AMPH: variants seen among roughly 807,000 people sequenced by gnomAD.
AMPH encodes the protein amphiphysin (Stiff-Mann syndrome with breast cancer 128kD autoantigen).
A neutral mutation model predicts 99.1 loss-of-function variants in AMPH; 49 were observed. The observed-to-expected ratio is 0.49, with a 90% confidence interval of 0.39 to 0.63. AMPH has a LOEUF of 0.63. Ranked by LOEUF, AMPH falls within the 20% of genes least tolerant of loss-of-function variation. The pLI is 0.00. For synonymous variants in AMPH, 314 were observed against 317.3 expected, an observed-to-expected ratio of 0.99 and a Z score of 0.11; for missense variants, 759 against 863.4, an observed-to-expected ratio of 0.88 and a Z score of 1.52.
chr7:38,564,913 A>C (rs1246067447), intron 1 of AMPH, among the ~76,000 whole-genome samples: 1 of 152,152 alleles, frequency 6.6e-6, no homozygotes, highest in East Asian at 1.9e-4. Context: ...TCACGAGGTC[A>C]GGAGATCGAG....
intron 15 of AMPH, among the ~76,000 whole-genome samples, chr7:38,425,263 A>G (rs941256245): frequency 2.0e-5 from 3 of 152,218 alleles, no homozygotes; most frequent in African/African-American, 7.2e-5. Flanking sequence ...GCTCTACAGC[A>G]AGTCACAGTC....
At chr7:38,462,479 T>C (rs903942589) in intron 10 of AMPH, among the ~76,000 whole-genome samples, 5 of 152,226 alleles carry the variant, frequency 3.3e-5, no homozygotes, top group African/African-American at 1.2e-4. Context: ...CCCTTATTGT[T>C]TCTCTTCAAT....
In AMPH at chr7:38,491,106, C is replaced by T. The variant is rs1167299845; in HGVS notation, c.340G>A (p.Val114Met). ...VLWEDFHQKL[V>M]DGSLLTLDTY... ...TCCAGTGTTAGCAAGGACCCATCCACGAGTTTTTGATGGAAGTCTTCCCAC... is the reference window on the plus strand; with the variant it reads ...TCCAGTGTTAGCAAGGACCCATCCATGAGTTTTTGATGGAAGTCTTCCCAC... The change falls in exon 5 of 21, where the codon GTG becomes ATG. Residue 114 changes from valine (V) to methionine (M), a missense_variant. Val to Met is a conservative substitution (Grantham distance 21, BLOSUM62 1). This residue lies in a region of AMPH where 205 missense variants were observed against 287.9 expected (regional missense o/e 0.71). Transcript: ENST00000356264. 3.1e-6 allele frequency: 5 copies of T among 1,613,094 alleles called. No homozygotes were observed. Among genetic ancestry groups the T allele is most frequent in the East Asian group, 2.2e-5 (1 of 44,826 alleles).
At chr7:38,463,142 G>A (rs752833388) in intron 9 of AMPH, 29 bp from the exon 10 acceptor site, 34 of 1,613,872 alleles carry the variant, frequency 2.1e-5, no homozygotes, top group Non-Finnish European at 2.9e-5. Context: ...TTGGGCAAGG[G>A]GCCTTCTCAA....
At chr7:38,544,159 T>C (rs942635099) in intron 1 of AMPH, among the ~76,000 whole-genome samples, 3 of 152,208 alleles carry the variant, frequency 2.0e-5, no homozygotes, top group African/African-American at 7.2e-5. Context: ...TCAAATGTAA[T>C]AACTGCTTGA....
chr7:38,488,817 C>T (rs1301152876), intron 5 of AMPH, among the ~76,000 whole-genome samples: 1 of 151,842 alleles, frequency 6.6e-6, no homozygotes, highest in Non-Finnish European at 1.5e-5. Flanking sequence ...ACACTGAAAA[C>T]TATACAATAT....
intron 15 of AMPH, 123 bp from the exon 16 acceptor site, chr7:38,422,600 A>C (rs1785625431): frequency 2.9e-6 from 2 of 692,796 alleles, no homozygotes; most frequent in African/African-American, 2.6e-5. Context: ...CTATCTATCT[A>C]TCCATCTATC....
chr7:38,539,484 CA>C (rs1790731650), intron 1 of AMPH, among the ~76,000 whole-genome samples: 1 of 152,092 alleles, frequency 6.6e-6, no homozygotes, highest in East Asian at 1.9e-4. Context: ...AAGGGGGTGG[CA>C]ACTCAGATTC....
In AMPH at chr7:38,618,460, C is replaced by CG. The variant is rs891895508; in HGVS notation, c.69+12822dup. Among the ~76,000 whole-genome samples the CG allele has an allele frequency of 7.5e-4, 114 of 151,802 alleles. 1 individual carries two copies. The highest frequency in any genetic ancestry group is 2.0e-3 in the African/African-American group (83 of 41,358). The stretch of plus-strand genomic sequence containing the variant: ...CCGGGAGGCAGAGCTTACAGTGAGC[C>CG]GAGATCATGCCACTGCACTCTAGCC... On this transcript the variant is annotated intron_variant, in intron 1 of 20. Coordinates refer to ENST00000356264, the MANE Select transcript of AMPH (RefSeq NM_001635.4).
chr7:38,513,795 G>A (rs1262534470), intron 2 of AMPH, among the ~76,000 whole-genome samples: 2 of 152,186 alleles, frequency 1.3e-5, no homozygotes, highest in Non-Finnish European at 2.9e-5. Flanking sequence ...TTCCTCAGTT[G>A]TGTATTAGAT....
At chr7:38,491,388 A>G (rs920301437) in intron 4 of AMPH, among the ~76,000 whole-genome samples, 1 of 152,216 alleles carries the variant, frequency 6.6e-6, no homozygotes, top group Non-Finnish European at 1.5e-5. Flanking sequence ...CTGATTCTAA[A>G]TTACTAAAGA....
intron 11 of AMPH, among the ~76,000 whole-genome samples, chr7:38,444,319 C>A (rs1161505199): frequency 6.6e-6 from 1 of 152,084 alleles, no homozygotes; most frequent in East Asian, 1.9e-4. Flanking sequence ...AATTTCATGC[C>A]TATCTGGAAC....
intron 1 of AMPH, among the ~76,000 whole-genome samples, chr7:38,590,958 A>G (rs531763568): frequency 6.6e-6 from 1 of 152,340 alleles, no homozygotes; most frequent in Admixed American, 6.5e-5. Context: ...CGATTTCAAA[A>G]TGTTACTAAA....
At chr7:38,446,239 T>G (rs1038616134) in intron 11 of AMPH, among the ~76,000 whole-genome samples, 1 of 152,216 alleles carries the variant, frequency 6.6e-6, no homozygotes, top group Non-Finnish European at 1.5e-5. Flanking sequence ...TACAAACACT[T>G]CAGAAAATCT....
intron 17 of AMPH, among the ~76,000 whole-genome samples, chr7:38,395,828 G>A (rs1389624315): frequency 1.3e-5 from 2 of 152,152 alleles, no homozygotes; most frequent in Admixed American, 6.6e-5. Context: ...AATCGGAGAT[G>A]AAGAACATGA....
intron 2 of AMPH, among the ~76,000 whole-genome samples, chr7:38,514,317 A>G (rs556442674): frequency 1.3e-5 from 2 of 152,358 alleles, no homozygotes; most frequent in South Asian, 4.1e-4. Flanking sequence ...ATGGGCCTCC[A>G]CATGATATCA....
chr7:38,525,291 G>T (rs1045756261), intron 2 of AMPH, among the ~76,000 whole-genome samples: 2,340 of 127,954 alleles, frequency 0.018, 35 homozygotes, highest in South Asian at 0.026. Flanking sequence ...GAGAGAGAGA[G>T]AGAGAGAGAG....
chr7:38,571,333 T>C (rs1176911998), intron 1 of AMPH, among the ~76,000 whole-genome samples: 4 of 65,904 alleles, frequency 6.1e-5, no homozygotes, highest in African/African-American at 6.6e-5. Flanking sequence ...TATATATATT[T>C]ATATATAGAA....
intron 20 of AMPH, among the ~76,000 whole-genome samples, chr7:38,388,175 C>T (rs979552804): frequency 1.3e-5 from 2 of 152,042 alleles, no homozygotes; most frequent in African/African-American, 4.8e-5. Flanking sequence ...AGAATGAAGA[C>T]CTGGAAATGG....
Sources: gnomAD v4.1 joint callset for allele counts (sites outside exome capture counted in the v4.1 genomes callset) on GRCh38, gnomAD v4.1.1 for gene constraint, gnomAD v4.1.1 regional missense constraint, MANE v1.5 for transcripts, NCBI Gene and HGNC (gene_info 2026-07-23, HGNC 2026-07-21) for gene names.